SATB1: variants seen among roughly 807,000 people sequenced by gnomAD.
SATB1 encodes the protein DNA-binding protein SATB1.
Under a neutral mutation model 86.9 loss-of-function variants are expected in SATB1, and 11 were observed. The observed-to-expected ratio is 0.13, with a 90% CI of 0.08 to 0.21. The LOEUF (loss-of-function observed/expected upper bound fraction) is 0.21, where lower values mean the gene tolerates loss of function less well. Among genes scored for constraint, SATB1 ranks in the 10% least tolerant of loss-of-function variants. The pLI is 1.00. For synonymous variants in SATB1, 357 were observed against 357.2 expected (o/e 1.00, Z 0.01); for missense variants, 551 against 937.6 (o/e 0.59, Z 5.39).
chr3:18,439,817 T>C (rs954691922), upstream of SATB1, among the ~76,000 whole-genome samples: 3 of 152,184 alleles, frequency 2.0e-5, no homozygotes, highest in African/African-American at 7.2e-5. Flanking sequence ...AACAGTATTT[T>C]GATGTTTCAA....
At chr3:18,420,689 CA>C in intron 2 of SATB1, 67 bp downstream of exon 2, 4 of 1,264,792 alleles carry the variant, frequency 3.2e-6, no homozygotes, top group Non-Finnish European at 4.6e-6. Context: ...ACTCCACCCC[CA>C]CACAGTGTGG....
At chr3:18,392,476 T>C (rs994150146) in intron 7 of SATB1, among the ~76,000 whole-genome samples, 1 of 152,068 alleles carries the variant, frequency 6.6e-6, no homozygotes, top group African/African-American at 2.4e-5. Flanking sequence ...CTTCACTATA[T>C]AAAGGACACT....
At chr3:18,359,705 A>G (rs1217659327) in intron 9 of SATB1, among the ~76,000 whole-genome samples, 1 of 151,938 alleles carries the variant, frequency 6.6e-6, no homozygotes, top group African/African-American at 2.4e-5. Flanking sequence ...TTGACATTAC[A>G]TAAATTTCAG....
upstream of SATB1, among the ~76,000 whole-genome samples, chr3:18,429,645 G>A (rs1009223272): frequency 6.6e-6 from 1 of 152,158 alleles, no homozygotes; most frequent in South Asian, 2.1e-4. This position sits in a 1 kb window ranked among gnomAD's most constrained non-coding sequence, Gnocchi z 4.1. Context: ...GCTGCCTCAT[G>A]CTTTTCTTGT....
rs577165964 is a variant in SATB1 at position 18,379,559 on chromosome 3, T to C, written c.1420-1234A>G. 4.6e-5 allele frequency among the ~76,000 whole-genome samples: 7 copies of C among 152,330 alleles called. No homozygotes were observed. The East Asian group carries it at 7.7e-4, about 17-fold the overall frequency. On this transcript the variant is annotated intron_variant, in intron 8 of 10. Coordinates refer to ENST00000338745, the MANE Select transcript of SATB1 (RefSeq NM_002971.6). ...ATGATTTTTTTGGCATTAAATGATA[T>C]AGCCTTTGAGTCAAGCTGCAGGACT...
At chr3:18,381,348 A>G (rs990329587) in intron 8 of SATB1, among the ~76,000 whole-genome samples, 20 of 152,366 alleles carry the variant, frequency 1.3e-4, no homozygotes, top group African/African-American at 4.3e-4. Flanking sequence ...AAGCAAAATT[A>G]AAGTTATATG....
At chr3:18,371,411 G>A (rs1302379485) in intron 9 of SATB1, among the ~76,000 whole-genome samples, 1 of 152,062 alleles carries the variant, frequency 6.6e-6, no homozygotes, top group Non-Finnish European at 1.5e-5. Context: ...TAAATGGGTG[G>A]TCTATGATTT....
intron 5 of SATB1, among the ~76,000 whole-genome samples, chr3:18,401,205 C>A (rs1697248662): frequency 1.3e-5 from 2 of 152,166 alleles, no homozygotes; most frequent in South Asian, 4.1e-4. Flanking sequence ...GAGGGCTGGA[C>A]ACAGACTAGG....
intron 9 of SATB1, among the ~76,000 whole-genome samples, chr3:18,357,545 T>A (rs1694707126): frequency 7.0e-6 from 1 of 143,316 alleles, no homozygotes; most frequent in Non-Finnish European, 1.5e-5. Flanking sequence ...AGGGCAATTT[T>A]TTTTTTTTTT....
At chr3:18,362,172 C>T (rs1031944378) in intron 9 of SATB1, among the ~76,000 whole-genome samples, 2 of 152,066 alleles carry the variant, frequency 1.3e-5, no homozygotes, top group African/African-American at 4.8e-5. Context: ...GGTTCAGTCC[C>T]ACAGCATTTC....
Position 18,386,723 on chromosome 3 carries a change from T to A in SATB1, c.1207-112A>T. 1.3e-6 allele frequency: 1 copy of A among 766,184 alleles called. No individual in the cohort carries two copies. Among genetic ancestry groups the A allele is most frequent in the Non-Finnish European group, 2.2e-6 (1 of 458,056 alleles). The allele number at this position is 766,184 out of a possible 1,614,324, so 47.5% of individuals were successfully genotyped here. ...TTAGAAAATGAACAGTCAGAGGCAT[T>A]AATTCTGCATAGGAATATATTAGTT... On this transcript the variant is annotated intron_variant, in intron 7 of 10. Transcript: ENST00000338745. The surrounding 1 kb of genome is among the most constrained non-coding windows in gnomAD (Gnocchi z 4.5).
upstream of SATB1, among the ~76,000 whole-genome samples, chr3:18,429,757 A>G (rs1014209330): frequency 6.6e-6 from 1 of 152,194 alleles, no homozygotes; most frequent in African/African-American, 2.4e-5. The surrounding 1 kb of genome is among the most constrained non-coding windows in gnomAD (Gnocchi z 4.1). Flanking sequence ...TCTCCTTTGA[A>G]ACAGTCATCA....
At position 18,386,679 on chromosome 3, in the gene SATB1, C is replaced by G; in HGVS notation, c.1207-68G>C. The G allele has an allele frequency of 8.1e-7, 1 of 1,240,548 alleles. No homozygotes were observed. Among genetic ancestry groups the G allele is most frequent in the Non-Finnish European group, 1.2e-6 (1 of 846,018 alleles). 76.8% of individuals were successfully genotyped at this position (1,240,548 alleles called of 1,614,324 possible). A position where few individuals can be genotyped will look rare whatever the true frequency, so the allele number is the denominator to read the frequency against. On this transcript the variant is annotated intron_variant, in intron 7 of 10. Coordinates refer to ENST00000338745, the MANE Select transcript of SATB1 (RefSeq NM_002971.6). This position sits in a 1 kb window ranked among gnomAD's most constrained non-coding sequence, Gnocchi z 4.5. ...TTGCCTGGCCAGCAGTGATCCTTCCCTTTTCTTCTCCACTCTGTTTAGAAA... is the reference window on the plus strand; with the variant it reads ...TTGCCTGGCCAGCAGTGATCCTTCCGTTTTCTTCTCCACTCTGTTTAGAAA...
At position 18,420,975 on chromosome 3, in the gene SATB1, C is replaced by A. The variant is rs973354377; in HGVS notation, c.-8G>T. On this transcript the variant is annotated 5_prime_UTR_variant, in exon 2 of 11. Transcript: ENST00000338745. ...CTCGTTCAAATGATCCATACTCAGTCACTGTCTAAAGATCACCTGCCAGAA... is the reference window on the plus strand; with the variant it reads ...CTCGTTCAAATGATCCATACTCAGTAACTGTCTAAAGATCACCTGCCAGAA... 1 of 1,613,698 alleles carries A rather than the reference C, an allele frequency of 6.2e-7. No individual in the cohort carries two copies. The highest frequency in any genetic ancestry group is 1.1e-5 in the South Asian group (1 of 91,044).
At chr3:18,421,029 C>T (rs749119771) in intron 1 of SATB1, 38 bp from the exon 2 acceptor site, 253 of 1,440,638 alleles carry the variant, frequency 1.8e-4, no homozygotes, top group Non-Finnish European at 2.4e-4. Flanking sequence ...TATAGTTGGG[C>T]GGGGACCTAC....
intron 8 of SATB1, among the ~76,000 whole-genome samples, chr3:18,380,721 ATT>A (rs77546983): frequency 2.7e-5 from 4 of 148,542 alleles, no homozygotes; most frequent in Non-Finnish European, 6.0e-5. Flanking sequence ...CTAGAATCAC[ATT>A]TTTTTTTTTC....
intron 2 of SATB1, among the ~76,000 whole-genome samples, chr3:18,434,043 G>A (rs1205772932): frequency 6.6e-6 from 1 of 151,912 alleles, no homozygotes; most frequent in Non-Finnish European, 1.5e-5. Flanking sequence ...AAATTTTGAT[G>A]GAAACCAGCT....
chr3:18,417,241 T>C (rs1461098953), intron 2 of SATB1, 163 bp from the exon 3 acceptor site: 4 of 625,318 alleles, frequency 6.4e-6, no homozygotes, highest in African/African-American at 1.9e-5. Context: ...CACACAAATA[T>C]ATACATTCTC....
chr3:18,417,035 G>A lies in SATB1; in HGVS notation c.255C>T (p.Asn85=), dbSNP rs749293960. ...CCTCCTTGCAATCATATTCAATGGC[G>A]TTTTCATAATGTTCCACCACACAGA... ...PVFCVVEHYE[N]AIEYDCKEEH... The change falls in exon 3 of 11, where the codon AAC becomes AAT. Residue 85 remains asparagine (N), a synonymous_variant. Coordinates refer to ENST00000338745, the MANE Select transcript of SATB1 (RefSeq NM_002971.6). 4.3e-6 allele frequency: 7 copies of A among 1,613,362 alleles called. No individual in the cohort carries two copies. In the Admixed American group the frequency reaches 8.3e-5, roughly 19 times the overall value.
Sources: allele counts gnomAD v4.1 joint callset (sites outside exome capture counted in the v4.1 genomes callset), GRCh38; gene constraint gnomAD v4.1.1; non-coding constraint Gnocchi (gnomAD v3.1); transcripts MANE v1.5; gene names NCBI Gene and HGNC (gene_info 2026-07-23, HGNC 2026-07-21).